The following CPVL variants were observed in gnomAD, a reference collection of about 807,000 sequenced individuals.
The protein encoded by CPVL is carboxypeptidase vitellogenic like, also known as probable serine carboxypeptidase CPVL.
A neutral mutation model predicts 63.7 loss-of-function variants in CPVL; 51 were observed. The observed-to-expected ratio is 0.80, with a 90% CI of 0.64 to 1.01. CPVL has a LOEUF of 1.01. CPVL is among the 50% of genes least tolerant of loss of function. CPVL has a pLI of 0.00. For synonymous variants in CPVL, 195 were observed against 206.0 expected (o/e 0.95, Z 0.46); for missense variants, 530 against 573.1 (o/e 0.92, Z 0.77).
At chr7:29,101,719 A>C (rs1446467522) in intron 3 of CPVL, among the ~76,000 whole-genome samples, 1 of 152,098 alleles carries the variant, frequency 6.6e-6, no homozygotes, top group Non-Finnish European at 1.5e-5. Context: ...CTTCCCCGAC[A>C]AATTCTACTT....
intron 1 of CPVL, among the ~76,000 whole-genome samples, chr7:29,140,269 G>C (rs186099654): frequency 6.6e-6 from 1 of 152,072 alleles, no homozygotes; most frequent in African/African-American, 2.4e-5. Context: ...GCAAGACCCT[G>C]TCTCACATCA....
At chr7:29,094,570 G>A (rs181667436) in intron 5 of CPVL, among the ~76,000 whole-genome samples, 6 of 152,172 alleles carry the variant, frequency 3.9e-5, no homozygotes, top group Non-Finnish European at 5.9e-5. Flanking sequence ...AAATGGGCCA[G>A]GCGTGGTGGC....
At chr7:29,110,596 C>T (rs1490451813) in intron 3 of CPVL, among the ~76,000 whole-genome samples, 1 of 152,100 alleles carries the variant, frequency 6.6e-6, no homozygotes, top group Non-Finnish European at 1.5e-5. Context: ...TGTGAGAATC[C>T]CTGAGAGAAA....
intron 9 of CPVL, 57 bp downstream of exon 9, chr7:29,071,716 C>CCCCCCCCCCCAATGGTTTTTATT: frequency 1.2e-6 from 1 of 833,398 alleles, no homozygotes; most frequent in South Asian, 1.7e-5. Flanking sequence ...CTCACCCGCC[C>CCCCCCCCCCCAATGGTTTTTATT]TCCCTCCCCA....
chr7:29,042,178 G>A (rs1026837811), intron 11 of CPVL, among the ~76,000 whole-genome samples: 3 of 152,152 alleles, frequency 2.0e-5, no homozygotes, highest in Admixed American at 2.0e-4. Flanking sequence ...TGGAGGAGGA[G>A]CAGCAGATAC....
At chr7:29,068,883 G>A (rs1041542852) in intron 9 of CPVL, among the ~76,000 whole-genome samples, 2 of 150,604 alleles carry the variant, frequency 1.3e-5, no homozygotes, top group Admixed American at 1.3e-4. Flanking sequence ...TTTTAGTAGA[G>A]ACGGGGTTTC....
At chr7:29,075,397 G>A (rs62442644) in intron 7 of CPVL, among the ~76,000 whole-genome samples, 2,502 of 151,894 alleles carry the variant, frequency 0.016, 29 homozygotes, top group African/African-American at 0.042. Context: ...ACAAGGGCCC[G>A]TGCATTTCAT....
chr7:29,036,897 T>C (rs747316924), intron 11 of CPVL, among the ~76,000 whole-genome samples: 7 of 152,036 alleles, frequency 4.6e-5, no homozygotes, highest in Non-Finnish European at 1.0e-4. Flanking sequence ...GAGGCAGAGG[T>C]GTAAGGAGGT....
At chr7:29,064,349 A>G in intron 10 of CPVL, 115 bp from the exon 11 acceptor site, 1 of 573,018 alleles carries the variant, frequency 1.7e-6, no homozygotes, top group Non-Finnish European at 3.0e-6. Flanking sequence ...TGACGGGACT[A>G]TTAACTTGTC....
At chr7:29,111,930 C>T (rs1788274560) in intron 3 of CPVL, among the ~76,000 whole-genome samples, 1 of 152,232 alleles carries the variant, frequency 6.6e-6, no homozygotes, top group African/African-American at 2.4e-5. Flanking sequence ...CAGAAAATTA[C>T]TCTGCAGTGG....
chr7:29,048,686 T>C (rs1191732948), intron 11 of CPVL, among the ~76,000 whole-genome samples: 1 of 152,000 alleles, frequency 6.6e-6, no homozygotes, highest in Non-Finnish European at 1.5e-5. Context: ...AAAACAGATA[T>C]ATACAGAACA....
chr7:29,155,675 G>C (rs1347950448), intron 5 of CPVL, among the ~76,000 whole-genome samples: 3 of 152,130 alleles, frequency 2.0e-5, no homozygotes, highest in Non-Finnish European at 4.4e-5. Flanking sequence ...TCCAATCATC[G>C]TCCTGCTTCC....
intron 1 of CPVL, among the ~76,000 whole-genome samples, chr7:29,128,907 G>A (rs577684144): frequency 5.9e-5 from 9 of 152,142 alleles, no homozygotes; most frequent in South Asian, 2.1e-4. Flanking sequence ...GTGGGTTGGC[G>A]GGCACAGTCA....
chr7:29,137,384 C>G (rs1791347852), intron 1 of CPVL, among the ~76,000 whole-genome samples: 1 of 152,142 alleles, frequency 6.6e-6, no homozygotes, highest in Admixed American at 6.6e-5. Context: ...TTGGCTGGAC[C>G]AGGTGTGACA....
intron 12 of CPVL, among the ~76,000 whole-genome samples, chr7:29,006,351 C>T (rs1185518247): frequency 6.6e-6 from 1 of 152,174 alleles, no homozygotes; most frequent in Non-Finnish European, 1.5e-5. Context: ...CCAACGTGAA[C>T]CTAAGGAACA....
intron 1 of CPVL, among the ~76,000 whole-genome samples, chr7:29,125,766 T>C (rs1265441961): frequency 6.6e-6 from 1 of 152,210 alleles, no homozygotes; most frequent in Non-Finnish European, 1.5e-5. Context: ...TAACAGCCTG[T>C]AATAGTCTTA....
intron 1 of CPVL, chr7:29,194,802 C>T: frequency 1.5e-6 from 1 of 649,062 alleles, no homozygotes; most frequent in South Asian, 3.7e-5. Context: ...AGGCAGAGTC[C>T]GGAGGCTGGT....
At chr7:29,033,592 C>T (rs1460053371) in intron 11 of CPVL, among the ~76,000 whole-genome samples, 2 of 152,196 alleles carry the variant, frequency 1.3e-5, no homozygotes, top group East Asian at 3.8e-4. Flanking sequence ...ACCCCTAAGG[C>T]TTGCTGGTAT....
intron 12 of CPVL, among the ~76,000 whole-genome samples, chr7:29,013,849 A>G (rs1012677527): frequency 6.6e-6 from 1 of 152,240 alleles, no homozygotes; most frequent in African/African-American, 2.4e-5. Context: ...TTCCTGGGGC[A>G]GCCCAAATTT....
Sources: allele counts gnomAD v4.1 joint callset (sites outside exome capture counted in the v4.1 genomes callset), GRCh38; gene constraint gnomAD v4.1.1; transcripts MANE v1.5; gene names NCBI Gene and HGNC (gene_info 2026-07-23, HGNC 2026-07-21).